ASIC2: variants seen among roughly 807,000 people sequenced by gnomAD.
ASIC2 encodes acid sensing ion channel subunit 2.
In ASIC2, 25 loss-of-function variants were observed where a neutral mutation model predicts 57.3. The observed-to-expected ratio is 0.44, with a 90% CI of 0.32 to 0.61. ASIC2 has a LOEUF of 0.61. Ranked by LOEUF, ASIC2 falls within the 20% of genes least tolerant of loss-of-function variation. ASIC2 has a pLI of 0.06. For missense variants in ASIC2, 641 were observed against 738.1 expected (o/e 0.87, Z 1.52); for synonymous variants, 319 against 307.5 (o/e 1.04, Z -0.39).
In ASIC2 at chr17:33,478,693, G is replaced by A. The variant is rs573651559; in HGVS notation, c.556-366626C>T. ...ATGTGAGAGCTGGAAGAGTCCCTGG[G>A]TCCCCTAGTTCTACCATTTTATTTT... On this transcript the variant is annotated intron_variant, in intron 1 of 9. Coordinates refer to the ASIC2 transcript ENST00000359872. Among the ~76,000 whole-genome samples, 11 of 152,296 alleles carry A rather than the reference G, an allele frequency of 7.2e-5. No homozygotes were observed. In the East Asian group the frequency reaches 2.1e-3, roughly 29 times the overall value.
At chr17:33,842,061 G>A (rs960128765) in intron 1 of ASIC2, among the ~76,000 whole-genome samples, 3 of 152,078 alleles carry the variant, frequency 2.0e-5, no homozygotes, top group African/African-American at 7.2e-5. Context: ...CAACATATCT[G>A]CCTTATATAC....
At chr17:33,191,138 T>C (rs117271687) in intron 1 of ASIC2, among the ~76,000 whole-genome samples, 2,510 of 152,198 alleles carry the variant, frequency 0.016, 70 homozygotes, top group East Asian at 0.11. Flanking sequence ...GAAATATGTC[T>C]CAGCAATAAA....
intron 1 of ASIC2, among the ~76,000 whole-genome samples, chr17:33,467,078 T>G (rs1013747317): frequency 1.3e-5 from 2 of 151,740 alleles, no homozygotes; most frequent in Non-Finnish European, 2.9e-5. Context: ...TGGGAGAAAA[T>G]TTTTGCAATC....
chr17:33,577,434 G>C (rs1645737650), intron 1 of ASIC2, among the ~76,000 whole-genome samples: 1 of 152,156 alleles, frequency 6.6e-6, no homozygotes, highest in African/African-American at 2.4e-5. Context: ...AGCCTGACAT[G>C]GGATTCAGGT....
chr17:33,316,445 G>A (rs1241631881), intron 1 of ASIC2, among the ~76,000 whole-genome samples: 3 of 152,122 alleles, frequency 2.0e-5, no homozygotes, highest in Admixed American at 1.3e-4. Context: ...TTTGCACCAC[G>A]CCAGGCTAAT....
chr17:33,469,754 A>G (rs148909148), intron 1 of ASIC2, among the ~76,000 whole-genome samples: 5 of 152,206 alleles, frequency 3.3e-5, no homozygotes, highest in Non-Finnish European at 7.3e-5. Context: ...ATTAAAAAGT[A>G]TACAGGGAAG....
chr17:33,433,587 C>G (rs1911494711), intron 1 of ASIC2, among the ~76,000 whole-genome samples: 1 of 152,076 alleles, frequency 6.6e-6, no homozygotes, highest in Non-Finnish European at 1.5e-5. Flanking sequence ...GAAACCCCGT[C>G]TAAAATACAA....
chr17:33,211,850 C>T (rs1907287574), intron 1 of ASIC2, among the ~76,000 whole-genome samples: 1 of 152,190 alleles, frequency 6.6e-6, no homozygotes, highest in African/African-American at 2.4e-5. Flanking sequence ...ACCCTCCTTC[C>T]CAGTGAAGAC....
chr17:34,121,055 C>T (rs955045057), intron 1 of ASIC2, among the ~76,000 whole-genome samples: 1 of 151,968 alleles, frequency 6.6e-6, no homozygotes, highest in Non-Finnish European at 1.5e-5. Context: ...TGGTGTCCTC[C>T]TAATAAGAGG....
At chr17:33,980,133 A>G (rs1341520140) in intron 1 of ASIC2, among the ~76,000 whole-genome samples, 1 of 152,166 alleles carries the variant, frequency 6.6e-6, no homozygotes, top group Non-Finnish European at 1.5e-5. Flanking sequence ...AGATAGAGAC[A>G]CAAACACAAG....
rs561448796 is a variant in ASIC2 at position 33,301,655 on chromosome 17, G to T, written c.556-189588C>A. Among the ~76,000 whole-genome samples, 5 of 152,270 alleles carry T rather than the reference G, an allele frequency of 3.3e-5. No homozygotes were observed. The South Asian group carries it at 1.0e-3, about 32-fold the overall frequency. On this transcript the variant is annotated intron_variant, in intron 1 of 9. Transcript: ENST00000359872. ...TCAGTTTAGTGGGGGACATGAGAAA[G>T]AAAATATTAAATATTCATATGAAAT...
At chr17:33,615,762 A>G (rs1905582509) in intron 1 of ASIC2, among the ~76,000 whole-genome samples, 1 of 152,212 alleles carries the variant, frequency 6.6e-6, no homozygotes, top group South Asian at 2.1e-4. Context: ...TAAAATAAAA[A>G]CAATGACACT....
intron 1 of ASIC2, among the ~76,000 whole-genome samples, chr17:33,552,300 G>A (rs1915775850): frequency 6.6e-6 from 1 of 152,192 alleles, no homozygotes; most frequent in Admixed American, 6.5e-5. Context: ...AGTGGGGCTG[G>A]GCCAGCTCCC....
At chr17:33,652,880 C>G (rs35377784) in intron 1 of ASIC2, among the ~76,000 whole-genome samples, 1 of 152,200 alleles carries the variant, frequency 6.6e-6, no homozygotes, top group Non-Finnish European at 1.5e-5. Context: ...CACCAGAAAC[C>G]TAAAGGACCA....
At chr17:33,254,161 C>T (rs1222368207) in intron 1 of ASIC2, among the ~76,000 whole-genome samples, 1 of 152,178 alleles carries the variant, frequency 6.6e-6, no homozygotes, top group Non-Finnish European at 1.5e-5. Context: ...GCTCAGGCAA[C>T]TATTCCAGAG....
At chr17:33,652,087 C>T (rs1180851529) in intron 1 of ASIC2, among the ~76,000 whole-genome samples, 2 of 152,148 alleles carry the variant, frequency 1.3e-5, no homozygotes, top group African/African-American at 2.4e-5. Context: ...AATTCCTCTT[C>T]CCTTGGGTTC....
intron 1 of ASIC2, among the ~76,000 whole-genome samples, chr17:33,209,964 TG>T (rs1907210694): frequency 6.6e-6 from 1 of 152,216 alleles, no homozygotes; most frequent in Non-Finnish European, 1.5e-5. Context: ...TGGTCTGTTT[TG>T]GTCTTGAGCA....
chr17:33,672,763 T>C (rs1033839231), intron 1 of ASIC2, among the ~76,000 whole-genome samples: 12 of 152,200 alleles, frequency 7.9e-5, no homozygotes, highest in African/African-American at 2.9e-4. Context: ...GAGATTCAAC[T>C]GGCAGCATTT....
intron 1 of ASIC2, among the ~76,000 whole-genome samples, chr17:34,023,010 C>G (rs1356546939): frequency 6.6e-6 from 1 of 152,154 alleles, no homozygotes; most frequent in Admixed American, 6.6e-5. Context: ...CCACGTAAGA[C>G]ATGTCTGCTC....
Sources: gnomAD v4.1 joint callset for allele counts (sites outside exome capture counted in the v4.1 genomes callset) on GRCh38, gnomAD v4.1.1 for gene constraint, MANE v1.5 for transcripts, NCBI Gene and HGNC (gene_info 2026-07-23, HGNC 2026-07-21) for gene names.